The following CYP2C19 variants were observed in gnomAD, a reference collection of about 807,000 sequenced individuals.
CYP2C19 encodes the protein cytochrome P450 family 2 subfamily C member 19, also known as cytochrome P450 2C19.
Under a neutral mutation model 40.9 loss-of-function variants are expected in CYP2C19, and 59 were observed. The observed-to-expected ratio is 1.44, with a 90% CI of 1.17 to 1.79. The LOEUF is 1.79. Among genes scored for constraint, CYP2C19 ranks in the 40% most tolerant of loss-of-function variants. The pLI, the probability that CYP2C19 is intolerant of heterozygous loss-of-function variation, is 0.00. For synonymous variants in CYP2C19, 253 were observed against 208.7 expected (o/e 1.21, Z -1.83); for missense variants, 754 against 596.9 (o/e 1.26, Z -2.74).
intron 6 of CYP2C19, among the ~76,000 whole-genome samples, chr10:94,837,211 C>T (rs1382464736): frequency 6.6e-6 from 1 of 152,100 alleles, no homozygotes; most frequent in Non-Finnish European, 1.5e-5. Flanking sequence ...TTTCTGTACT[C>T]CTAAAATTGG....
At chr10:94,849,593 T>C in intron 7 of CYP2C19, among the ~76,000 whole-genome samples, 1 of 150,420 alleles carries the variant, frequency 6.6e-6, no homozygotes, top group East Asian at 2.0e-4. Flanking sequence ...AACTCATCAT[T>C]TAGCATTAGG....
rs375159521 is a variant in CYP2C19, at chr10:94,775,181, G to C, written c.292G>C (p.Gly98Arg). ...IDLGEEFSGR[G>R]HFPLAERANR... is the part of the protein sequence containing the mutation. Reference sequence around the variant, plus strand: ...TCTTGGAGAGGAGTTTTCTGGAAGAGGCCATTTCCCACTGGCTGAAAGAGC... The same window carrying C: ...TCTTGGAGAGGAGTTTTCTGGAAGACGCCATTTCCCACTGGCTGAAAGAGC... Residue 98 changes from glycine to arginine, a missense_variant, in exon 2 of 9, where the codon GGC becomes CGC. Gly to Arg is a moderately radical substitution (Grantham distance 125). Transcript: ENST00000371321. The C allele has an allele frequency of 6.2e-7, 1 of 1,614,096 alleles. No homozygotes were observed.
rs17882291 is a variant in CYP2C19, at chr10:94,775,448, G to T, written c.390G>T (p.Thr130=). ...AGATCCGGCGTTTCTCCCTCATGAC[G>T]CTGCGGAATTTTGGGATGGGGAAGA... ...WKEIRRFSLM[T]LRNFGMGKRS... The change falls in exon 3 of 9, where the codon ACG becomes ACT. Residue 130 remains threonine, a synonymous_variant. Transcript: ENST00000371321. The T allele has an allele frequency of 6.6e-4, 1,072 of 1,614,046 alleles. 5 individuals are homozygous for T. In the African/African-American group the frequency reaches 0.012, roughly 18 times the overall value.
intron 3 of CYP2C19, among the ~76,000 whole-genome samples, chr10:94,776,782 C>A (rs992827064): frequency 1.3e-5 from 2 of 152,034 alleles, no homozygotes; most frequent in Non-Finnish European, 2.9e-5. Flanking sequence ...TTCAACATAG[C>A]TTTGGAAGTT....
rs148751606 is a variant in CYP2C19, at chr10:94,824,394, C to T, written c.961+3757C>T. ...TAGAAACAAGGTCTTTATTTAGAAA[C>T]GTGAATGTATTTTCAGAAGAAGCTG... On this transcript the variant is annotated intron_variant, in intron 6 of 8. Transcript: ENST00000371321. Among the ~76,000 whole-genome samples the T allele has an allele frequency of 4.7e-3, 715 of 151,990 alleles. 3 individuals are homozygous for T. The highest frequency in any genetic ancestry group is 0.011 in the African/African-American group (465 of 41,450).
chr10:94,786,047 C>T (rs947247862), intron 5 of CYP2C19, among the ~76,000 whole-genome samples: 2 of 151,978 alleles, frequency 1.3e-5, no homozygotes, highest in Non-Finnish European at 2.9e-5. Context: ...GCCTCCTTCC[C>T]CCTCTTTGGA....
chr10:94,770,555 T>G (rs1340503086), intron 1 of CYP2C19, among the ~76,000 whole-genome samples: 1 of 152,080 alleles, frequency 6.6e-6, no homozygotes, highest in Non-Finnish European at 1.5e-5. Flanking sequence ...TGCCTCCAGA[T>G]TTTGTTCAGG....
chr10:94,827,302 T>C (rs1234866756), intron 6 of CYP2C19, among the ~76,000 whole-genome samples: 1 of 152,040 alleles, frequency 6.6e-6, no homozygotes, highest in East Asian at 1.9e-4. Context: ...TGGACTCTTT[T>C]TGGTTGGTAA....
chr10:94,848,087 T>A (rs548612470), intron 7 of CYP2C19, among the ~76,000 whole-genome samples: 3 of 152,358 alleles, frequency 2.0e-5, no homozygotes, highest in East Asian at 3.9e-4. Context: ...TTTTATTAGA[T>A]CCCATTTGTC....
At chr10:94,810,124 C>T (rs961388604) in intron 5 of CYP2C19, among the ~76,000 whole-genome samples, 3 of 152,146 alleles carry the variant, frequency 2.0e-5, no homozygotes, top group Non-Finnish European at 4.4e-5. Context: ...CTGTGATCCA[C>T]CCACCTCAGC....
intron 5 of CYP2C19, among the ~76,000 whole-genome samples, chr10:94,809,767 A>T (rs570173611): frequency 1.3e-5 from 2 of 152,294 alleles, no homozygotes; most frequent in East Asian, 3.9e-4. Flanking sequence ...GAGAGTTTTT[A>T]GCATGAAGGG....
At chr10:94,838,475 A>G (rs1849439139) in intron 6 of CYP2C19, among the ~76,000 whole-genome samples, 1 of 152,182 alleles carries the variant, frequency 6.6e-6, no homozygotes, top group Non-Finnish European at 1.5e-5. Flanking sequence ...ATCTGATCTA[A>G]AATACCTAGG....
At chr10:94,764,513 C>T (rs1848215008) in intron 1 of CYP2C19, among the ~76,000 whole-genome samples, 1 of 152,156 alleles carries the variant, frequency 6.6e-6, no homozygotes, top group Admixed American at 6.5e-5. Context: ...GCCCAGCCGG[C>T]TTCACCTCTC....
chr10:94,850,499 G>A (rs560786992), intron 8 of CYP2C19, among the ~76,000 whole-genome samples: 4 of 152,240 alleles, frequency 2.6e-5, no homozygotes, highest in African/African-American at 9.6e-5. Context: ...GTCTTAAGAG[G>A]CTCACTTCTG....
intron 6 of CYP2C19, 21 bp from the exon 7 acceptor site, chr10:94,842,816 T>C (rs769408340): frequency 1.9e-6 from 3 of 1,613,476 alleles, no homozygotes; most frequent in Non-Finnish European, 2.5e-6. Flanking sequence ...TTTCCATCAG[T>C]TCTTACTTGT....
intron 3 of CYP2C19, chr10:94,775,974 T>C (rs553130245): frequency 2.4e-5 from 5 of 210,166 alleles, no homozygotes; most frequent in South Asian, 1.7e-4. Flanking sequence ...TGTGCTTTTA[T>C]TTAATTGGAC....
At chr10:94,805,729 C>A (rs1419395775) in intron 5 of CYP2C19, among the ~76,000 whole-genome samples, 2 of 152,122 alleles carry the variant, frequency 1.3e-5, no homozygotes, top group South Asian at 2.1e-4. Flanking sequence ...ACCAACAAAG[C>A]AGTCAACAAA....
In CYP2C19 at chr10:94,852,714, C is replaced by T. The variant is rs753818995; in HGVS notation, c.1292-19C>T. 1 of 1,612,782 alleles carries T rather than the reference C, an allele frequency of 6.2e-7. No homozygotes were observed. Among genetic ancestry groups the T allele is most frequent in the East Asian group, 2.2e-5 (1 of 44,878 alleles). ...GTTACACATGAGGAGTAACTTCTCC[C>T]TATGTTTGTTATTTTCAGGAAAACG... On this transcript the variant is annotated intron_variant, in intron 8 of 8. Coordinates refer to ENST00000371321, the MANE Select transcript of CYP2C19 (RefSeq NM_000769.4).
chr10:94,833,309 GC>G (rs1327621541), intron 6 of CYP2C19, among the ~76,000 whole-genome samples: 1 of 152,076 alleles, frequency 6.6e-6, no homozygotes, highest in Non-Finnish European at 1.5e-5. Context: ...AATAACAATG[GC>G]AATAGTGGAC....
Sources: allele counts gnomAD v4.1 joint callset (sites outside exome capture counted in the v4.1 genomes callset), GRCh38; gene constraint gnomAD v4.1.1; transcripts MANE v1.5; gene names NCBI Gene and HGNC (gene_info 2026-07-23, HGNC 2026-07-21).